LDLRAD3: variants seen among roughly 807,000 people sequenced by gnomAD.
LDLRAD3 encodes low density lipoprotein receptor class A domain containing 3, also known as low-density lipoprotein receptor class A domain-containing protein 3.
In LDLRAD3, 20 loss-of-function variants were observed where a neutral mutation model predicts 29.4. The ratio of observed to expected loss-of-function variants is 0.68; its 90% CI spans 0.48 to 0.99. The LOEUF (loss-of-function observed/expected upper bound fraction) is 0.99. Among genes scored for constraint, LDLRAD3 ranks in the 50% least tolerant of loss-of-function variants. The probability of loss-of-function intolerance (pLI) is 0.00; values close to 1 mark genes in which losing one functional copy is unlikely to be tolerated. For synonymous variants in LDLRAD3, 157 were observed against 192.7 expected, an observed-to-expected ratio of 0.81 and a Z score of 1.53; for missense variants, 420 against 454.3, an observed-to-expected ratio of 0.92 and a Z score of 0.69.
intron 2 of LDLRAD3, among the ~76,000 whole-genome samples, chr11:36,074,625 G>C (rs1172252968): frequency 6.6e-6 from 1 of 151,952 alleles, no homozygotes; most frequent in Admixed American, 6.5e-5. Flanking sequence ...GTAATGGGAA[G>C]GCAGTGACGT....
chr11:36,039,194 C>T (rs1161524647), intron 2 of LDLRAD3, among the ~76,000 whole-genome samples: 1 of 152,154 alleles, frequency 6.6e-6, no homozygotes, highest in Non-Finnish European at 1.5e-5. Flanking sequence ...TGGTCTGGAT[C>T]TCCTGACCTC....
chr11:35,947,263 C>G (rs1393966008), intron 1 of LDLRAD3, among the ~76,000 whole-genome samples: 1 of 152,134 alleles, frequency 6.6e-6, no homozygotes, highest in African/African-American at 2.4e-5. Flanking sequence ...AATCCCAGCA[C>G]TTTGGGAGGC....
At chr11:35,976,736 A>G (rs1436734685) in intron 1 of LDLRAD3, among the ~76,000 whole-genome samples, 4 of 152,148 alleles carry the variant, frequency 2.6e-5, no homozygotes, top group African/African-American at 7.2e-5. Flanking sequence ...GAAGGACACT[A>G]TGAGGTGTCT....
intron 4 of LDLRAD3, among the ~76,000 whole-genome samples, chr11:36,120,225 A>G (rs1853735624): frequency 6.6e-6 from 1 of 152,132 alleles, no homozygotes; most frequent in Non-Finnish European, 1.5e-5. Context: ...TTTAGTTGGG[A>G]CAAGCCGAAG....
In LDLRAD3 at chr11:36,036,911, A is replaced by G. The variant is rs564676468; in HGVS notation, c.193+662A>G. 1.1e-4 allele frequency among the ~76,000 whole-genome samples: 16 copies of G among 152,148 alleles called. No homozygotes were observed. The South Asian group carries it at 3.3e-3, about 32-fold the overall frequency. On this transcript the variant is annotated intron_variant, in intron 2 of 5. Coordinates refer to ENST00000315571, the MANE Select transcript of LDLRAD3 (RefSeq NM_174902.4). ...CCTGTTTCATGACGCCGAAACATGC[A>G]TGAGATTTGGGTTGATGATCATCTA...
chr11:35,964,531 A>G (rs1851315141), intron 1 of LDLRAD3, among the ~76,000 whole-genome samples: 1 of 152,116 alleles, frequency 6.6e-6, no homozygotes, highest in Non-Finnish European at 1.5e-5. Context: ...CTCTGTTTGG[A>G]AAGCCTGGAG....
intron 4 of LDLRAD3, among the ~76,000 whole-genome samples, chr11:36,109,036 A>T (rs1183426031): frequency 2.6e-5 from 4 of 151,564 alleles, no homozygotes; most frequent in Non-Finnish European, 4.4e-5. Flanking sequence ...ATGGTGGAGG[A>T]TGAGGAACAG....
chr11:36,227,582 A>G, intron 5 of LDLRAD3, 152 bp downstream of exon 5: 2 of 565,072 alleles, frequency 3.5e-6, no homozygotes, highest in Non-Finnish European at 3.0e-6. Context: ...GAGTCCTCGC[A>G]AAATTCTCTA....
At position 36,229,141 on chromosome 11, in the gene LDLRAD3, C is replaced by G. The variant is rs78027431; in HGVS notation, c.801-19C>G. ...TTCCTGTCTCCATTGCCCCTGCCCC[C>G]CTGCTGTCCCCATCACAGGCCTGCG... On this transcript the variant is annotated intron_variant, in intron 5 of 5. Transcript: ENST00000315571. The G allele has an allele frequency of 3.1e-5, 49 of 1,563,880 alleles. No homozygotes were observed. Among genetic ancestry groups the G allele is most frequent in the East Asian group, 2.2e-5 (1 of 44,530 alleles).
intron 4 of LDLRAD3, among the ~76,000 whole-genome samples, chr11:36,224,888 A>T (rs1855478907): frequency 6.6e-6 from 1 of 152,204 alleles, no homozygotes; most frequent in South Asian, 2.1e-4. Flanking sequence ...TTCTTAGGTG[A>T]TGTTAGACAA....
At position 35,991,005 on chromosome 11, in the gene LDLRAD3, C is replaced by T. The variant is rs146427343; in HGVS notation, c.47-45098C>T. Among the ~76,000 whole-genome samples the T allele has an allele frequency of 1.8e-3, 281 of 152,302 alleles. 1 individual carries two copies. The highest frequency in any genetic ancestry group is 6.6e-3 in the African/African-American group (274 of 41,576). ...TCAGTAAATAATAGTTTCCATTGTT[C>T]TGCTGTTGTAGAGTGTTTGGCAGTG... On this transcript the variant is annotated intron_variant, in intron 1 of 5. Coordinates refer to ENST00000315571, the MANE Select transcript of LDLRAD3 (RefSeq NM_174902.4).
intron 2 of LDLRAD3, among the ~76,000 whole-genome samples, chr11:36,054,865 ATGAATG>A: frequency 7.0e-6 from 1 of 142,910 alleles, no homozygotes; most frequent in East Asian, 2.0e-4. Context: ...GGATGGATGG[ATGAATG>A]GATGGATGGA....
chr11:36,199,027 A>G (rs1030680439), intron 4 of LDLRAD3, among the ~76,000 whole-genome samples: 1 of 152,112 alleles, frequency 6.6e-6, no homozygotes, highest in Non-Finnish European at 1.5e-5. Context: ...CAGCCTCCCA[A>G]GTAGCTGGGA....
chr11:36,169,716 A>G (rs1854567426), intron 4 of LDLRAD3, among the ~76,000 whole-genome samples: 1 of 152,118 alleles, frequency 6.6e-6, no homozygotes, highest in African/African-American at 2.4e-5. Flanking sequence ...ATGGGCACTT[A>G]TGTTGATTTC....
At chr11:36,061,110 C>G (rs1407478743) in intron 2 of LDLRAD3, among the ~76,000 whole-genome samples, 1 of 152,082 alleles carries the variant, frequency 6.6e-6, no homozygotes, top group Non-Finnish European at 1.5e-5. Flanking sequence ...TGTCTTCTTC[C>G]TCTTCCTCAT....
At chr11:36,014,123 C>G (rs1851991068) in intron 1 of LDLRAD3, among the ~76,000 whole-genome samples, 1 of 152,196 alleles carries the variant, frequency 6.6e-6, no homozygotes, top group Non-Finnish European at 1.5e-5. Flanking sequence ...TTCCACGCCT[C>G]CCTGTTCTTG....
intron 4 of LDLRAD3, among the ~76,000 whole-genome samples, chr11:36,105,238 TGAGAGAGA>T (rs35668663): frequency 5.1e-4 from 65 of 128,420 alleles, no homozygotes; most frequent in East Asian, 2.0e-3. Context: ...TGTGTGTGTG[TGAGAGAGA>T]GAGAGAGAGA....
rs575143731 is a variant in LDLRAD3, at chr11:36,180,549, C to T, written c.455-46536C>T. Among the ~76,000 whole-genome samples the T allele has an allele frequency of 3.3e-5, 5 of 152,196 alleles. No individual in the cohort carries two copies. The East Asian group carries it at 9.7e-4, about 30-fold the overall frequency. ...CTGAAGACAGGAGGCGTGTGCCAGA[C>T]AGTGAAGCCTTATGAGGCATTGAAG... On this transcript the variant is annotated intron_variant, in intron 4 of 5. Transcript: ENST00000315571.
chr11:36,165,980 T>TTCCTCCCTCCCTCCCTC (rs1854509780), intron 4 of LDLRAD3, among the ~76,000 whole-genome samples: 1 of 73,970 alleles, frequency 1.4e-5, no homozygotes. Flanking sequence ...CTCCCTCCCT[T>TTCCTCCCTCCCTCCCTC]CCTTCCTTCC....
Sources: gnomAD v4.1 joint callset for allele counts (sites outside exome capture counted in the v4.1 genomes callset) on GRCh38, gnomAD v4.1.1 for gene constraint, MANE v1.5 for transcripts, NCBI Gene and HGNC (gene_info 2026-07-23, HGNC 2026-07-21) for gene names.